CAST: variants seen among roughly 807,000 people sequenced by gnomAD.
The protein encoded by CAST is calpastatin.
In CAST, 76 loss-of-function variants were observed where a neutral mutation model predicts 119.6. That is an observed-to-expected ratio of 0.64 (90% CI 0.53 to 0.77). The LOEUF is 0.77. CAST is among the 30% of genes least tolerant of loss of function. CAST has a pLI of 0.00. For synonymous variants in CAST, 319 were observed against 331.6 expected, an observed-to-expected ratio of 0.96 and a Z score of 0.41; for missense variants, 953 against 946.5, an observed-to-expected ratio of 1.01 and a Z score of -0.09.
At position 96,621,350 on chromosome 5, in the gene CAST, G is replaced by T. The variant is rs147655240; in HGVS notation, c.61-54189G>T. Among the ~76,000 whole-genome samples the T allele has an allele frequency of 7.2e-3, 1,100 of 152,256 alleles. 7 individuals are homozygous for T. The highest frequency in any genetic ancestry group is 0.014 in the South Asian group (70 of 4,830). The stretch of plus-strand genomic sequence containing the variant: ...GAGGTTTCTTTCTGTCACATATAAG[G>T]GCAGGTATATTAGTGCATTCTCATG... On this transcript the variant is annotated intron_variant, in intron 1 of 11. Coordinates refer to the CAST transcript ENST00000505143.
the CAST span, among the ~76,000 whole-genome samples, chr5:96,104,422 G>A: frequency 6.6e-6 from 1 of 152,148 alleles, no homozygotes; most frequent in Non-Finnish European, 1.5e-5. Context: ...TAAGGTGTAA[G>A]GAAGGGATCC....
chr5:96,415,922 C>G, the CAST span: 1 of 749,342 alleles, frequency 1.3e-6, no homozygotes, highest in Non-Finnish European at 2.4e-6. Flanking sequence ...TGGCATGGAA[C>G]TAATTTGTTC....
intron 2 of CAST, among the ~76,000 whole-genome samples, chr5:96,690,679 G>A (rs779626700): frequency 6.6e-5 from 10 of 152,176 alleles, no homozygotes; most frequent in Non-Finnish European, 1.2e-4. Flanking sequence ...AAAGCAATTT[G>A]TACTTATTTG....
At chr5:96,668,615 G>C (rs1749650598) in intron 1 of CAST, among the ~76,000 whole-genome samples, 1 of 152,132 alleles carries the variant, frequency 6.6e-6, no homozygotes, top group African/African-American at 2.4e-5. Context: ...CAGCCCCTGG[G>C]ATAGATACCA....
At chr5:96,113,507 G>A in the CAST span, among the ~76,000 whole-genome samples, 1 of 152,260 alleles carries the variant, frequency 6.6e-6, no homozygotes, top group Non-Finnish European at 1.5e-5. Context: ...AAGGATTAAT[G>A]CTTTGAAAAT....
At chr5:96,195,916 T>C in the CAST span, among the ~76,000 whole-genome samples, 1 of 152,208 alleles carries the variant, frequency 6.6e-6, no homozygotes, top group East Asian at 1.9e-4. Flanking sequence ...TTGGGTCCTT[T>C]GTTATTTTGA....
chr5:96,705,194 A>G (rs1413405197), intron 3 of CAST, among the ~76,000 whole-genome samples: 1 of 152,044 alleles, frequency 6.6e-6, no homozygotes, highest in East Asian at 1.9e-4. Context: ...GCGTGCACCT[A>G]TGTGGCCCCA....
chr5:96,474,123 C>A, the CAST span, among the ~76,000 whole-genome samples: 1 of 152,078 alleles, frequency 6.6e-6, no homozygotes, highest in African/African-American at 2.4e-5. Flanking sequence ...CTTTAAGATG[C>A]AATTAGGAGC....
the CAST span, among the ~76,000 whole-genome samples, chr5:96,499,716 A>G: frequency 4.0e-3 from 613 of 152,330 alleles, 5 homozygotes; most frequent in African/African-American, 0.014. Flanking sequence ...ATTGGAGTCA[A>G]TCCTCTCGAA....
the CAST span, among the ~76,000 whole-genome samples, chr5:96,021,695 C>T: frequency 6.6e-6 from 1 of 152,176 alleles, no homozygotes; most frequent in Non-Finnish European, 1.5e-5. Context: ...ATCCTCCCTC[C>T]TTGGCCTCCC....
the CAST span, among the ~76,000 whole-genome samples, chr5:96,296,464 T>A: frequency 6.6e-6 from 1 of 152,234 alleles, no homozygotes; most frequent in Non-Finnish European, 1.5e-5. Flanking sequence ...GATATTACTT[T>A]ATGGTTGTTG....
the CAST span, among the ~76,000 whole-genome samples, chr5:96,470,210 C>T: frequency 8.8e-4 from 134 of 151,574 alleles, no homozygotes; most frequent in African/African-American, 2.9e-3. Context: ...CACACACACA[C>T]GCACAGAAAA....
At chr5:96,218,485 A>ATATT in the CAST span, among the ~76,000 whole-genome samples, 892 of 152,302 alleles carry the variant, frequency 5.9e-3, no homozygotes, top group Non-Finnish European at 9.1e-3. Context: ...TGCTAAAATA[A>ATATT]TATTTCTCTC....
the CAST span, among the ~76,000 whole-genome samples, chr5:96,080,632 G>A: frequency 6.6e-6 from 1 of 152,198 alleles, no homozygotes; most frequent in East Asian, 1.9e-4. Context: ...AATTATGTCT[G>A]TGCTTATTCC....
chr5:96,731,773 A>G (rs1208652657), intron 9 of CAST, among the ~76,000 whole-genome samples: 7 of 148,262 alleles, frequency 4.7e-5, no homozygotes, highest in Non-Finnish European at 7.4e-5. Context: ...CGTTCTTGCG[A>G]TAGTTTACTG....
At chr5:96,023,166 C>T in the CAST span, among the ~76,000 whole-genome samples, 1 of 152,178 alleles carries the variant, frequency 6.6e-6, no homozygotes, top group African/African-American at 2.4e-5. Context: ...ACACCACTTC[C>T]CTACTGCTTG....
chr5:96,620,322 A>G lies in CAST; in HGVS notation c.61-55217A>G, dbSNP rs1580849075. The stretch of plus-strand genomic sequence containing the variant: ...TTTTTTTGGTATTTAATGGACTTAC[A>G]ATTTATTGGCTTTGTGATGGTATAA... On this transcript the variant is annotated intron_variant, in intron 1 of 11. Coordinates refer to the CAST transcript ENST00000505143. Among the ~76,000 whole-genome samples the G allele has an allele frequency of 2.0e-5, 3 of 147,748 alleles. No individual in the cohort carries two copies. The South Asian group carries it at 6.4e-4, about 32-fold the overall frequency.
chr5:96,377,160 T>A, the CAST span, among the ~76,000 whole-genome samples: 1 of 151,990 alleles, frequency 6.6e-6, no homozygotes, highest in Non-Finnish European at 1.5e-5. Flanking sequence ...TTCATTTTTT[T>A]AAATTAAAAT....
chr5:96,392,852 C>T, the CAST span: 1 of 782,454 alleles, frequency 1.3e-6, no homozygotes, highest in African/African-American at 1.7e-5. Context: ...ATCCCCTTCA[C>T]ATGTACAGTT....
Sources: gnomAD v4.1 joint callset for allele counts (sites outside exome capture counted in the v4.1 genomes callset) on GRCh38, gnomAD v4.1.1 for gene constraint, MANE v1.5 for transcripts, NCBI Gene and HGNC (gene_info 2026-07-23, HGNC 2026-07-21) for gene names.